IMPG1: variants seen among roughly 807,000 people sequenced by gnomAD.
The protein encoded by IMPG1 is interphotoreceptor matrix proteoglycan of 150 kDa.
Under a neutral mutation model 92.0 loss-of-function variants are expected in IMPG1, and 85 were observed. The ratio of observed to expected loss-of-function variants is 0.92; its 90% confidence interval spans 0.78 to 1.11. IMPG1 has a LOEUF of 1.11. IMPG1 is among the 50% of genes least tolerant of loss of function. The pLI is 0.00. For missense variants in IMPG1, 1,022 were observed against 956.0 expected (o/e 1.07, Z -0.91); for synonymous variants, 367 against 334.1 (o/e 1.10, Z -1.08).
At chr6:75,974,393 T>TTCCTTCC (rs1313714060) in intron 12 of IMPG1, among the ~76,000 whole-genome samples, 8 of 65,032 alleles carry the variant, frequency 1.2e-4, no homozygotes, top group East Asian at 5.9e-4. Context: ...CTTTCTTTCT[T>TTCCTTCC]TTCTTTCTTT....
chr6:76,025,329 A>T, intron 4 of IMPG1, 71 bp from the exon 5 acceptor site: 1 of 817,722 alleles, frequency 1.2e-6, no homozygotes, highest in South Asian at 1.6e-5. Context: ...ACATACATTT[A>T]AATTTCTTAT....
intron 2 of IMPG1, among the ~76,000 whole-genome samples, chr6:76,038,629 G>A (rs895303922): frequency 2.6e-5 from 4 of 152,170 alleles, no homozygotes; most frequent in South Asian, 2.1e-4. Context: ...TTGGATTTTT[G>A]TAAACCTTTG....
At chr6:75,982,279 T>A (rs1562358192) in intron 12 of IMPG1, among the ~76,000 whole-genome samples, 1 of 152,040 alleles carries the variant, frequency 6.6e-6, no homozygotes, top group Non-Finnish European at 1.5e-5. Context: ...ACCATCTGAA[T>A]AAAGAAAATG....
At chr6:75,959,885 G>A (rs1051823485) in intron 12 of IMPG1, among the ~76,000 whole-genome samples, 3 of 152,058 alleles carry the variant, frequency 2.0e-5, no homozygotes, top group Non-Finnish European at 2.9e-5. Context: ...GTTCCCTCTC[G>A]CTGGCGTTCC....
chr6:76,006,455 TGTGTATATACATATGTATATAG>T (rs11272555), intron 9 of IMPG1, among the ~76,000 whole-genome samples: 84,122 of 147,678 alleles, frequency 0.57, 25,103 homozygotes, highest in Non-Finnish European at 0.67. Context: ...TATGGGTATG[TGTGTATATACATATGTATATAG>T]GTGTATATAT....
chr6:75,962,271 C>T (rs1044233564), intron 12 of IMPG1, among the ~76,000 whole-genome samples: 1 of 151,872 alleles, frequency 6.6e-6, no homozygotes, highest in Non-Finnish European at 1.5e-5. Context: ...GTGCATGCAC[C>T]ACCACACCCA....
intron 12 of IMPG1, among the ~76,000 whole-genome samples, chr6:75,967,944 G>A (rs1782336793): frequency 6.6e-6 from 1 of 152,164 alleles, no homozygotes; most frequent in Non-Finnish European, 1.5e-5. Context: ...ATTGCCTGCT[G>A]GTATATTCCA....
chr6:75,999,217 C>T (rs1219636771), intron 12 of IMPG1, among the ~76,000 whole-genome samples: 3 of 152,118 alleles, frequency 2.0e-5, no homozygotes, highest in Admixed American at 6.5e-5. Context: ...GGATCAGCTA[C>T]TACAAAAAAA....
intron 7 of IMPG1, among the ~76,000 whole-genome samples, chr6:76,017,240 C>T (rs1345645189): frequency 1.3e-5 from 2 of 150,432 alleles, no homozygotes; most frequent in Admixed American, 6.6e-5. Flanking sequence ...TATATAGATG[C>T]CACACTCAGC....
chr6:75,990,909 G>A (rs1248468763), intron 12 of IMPG1, among the ~76,000 whole-genome samples: 4 of 152,038 alleles, frequency 2.6e-5, no homozygotes, highest in Non-Finnish European at 5.9e-5. Context: ...TTAGGACTTC[G>A]AAGATGTCAC....
rs749330927 is a variant in IMPG1, at chr6:76,003,838, G to T, written c.1212+36C>A. On this transcript the variant is annotated intron_variant, in intron 11 of 16. Coordinates refer to ENST00000369950, the MANE Select transcript of IMPG1 (RefSeq NM_001563.4). ...CTTTGGTGGAAGGTTTTGAGACTTT[G>T]TTCCTAGTTAAAGAACAAAAGGACA... 7.4e-6 allele frequency: 11 copies of T among 1,493,528 alleles called. No homozygotes were observed. The East Asian group carries it at 9.1e-5, about 12-fold the overall frequency. 92.5% of individuals were successfully genotyped at this position (1,493,528 alleles called of 1,614,324 possible).
At chr6:75,982,570 T>C (rs1782645482) in intron 12 of IMPG1, among the ~76,000 whole-genome samples, 1 of 150,202 alleles carries the variant, frequency 6.7e-6, no homozygotes, top group Non-Finnish European at 1.5e-5. Context: ...TCTATATATC[T>C]ATATAGATAT....
chr6:76,031,352 T>C (rs896865852), intron 4 of IMPG1, among the ~76,000 whole-genome samples: 1 of 152,206 alleles, frequency 6.6e-6, no homozygotes, highest in Admixed American at 6.5e-5. Context: ...TACAGTTATC[T>C]AGAATTAGTC....
chr6:75,974,347 C>CTTTCTT lies in IMPG1; in HGVS notation c.1292-23259_1292-23254dup, dbSNP rs1469416386. On this transcript the variant is annotated intron_variant, in intron 12 of 16. Transcript: ENST00000369950. ...TTTCTTTCCCTTTCTTTCTTTCTTT[C>CTTTCTT]TTTCTTTCTTTCTTTCTTTCTTTCT... 1.0e-4 allele frequency among the ~76,000 whole-genome samples: 10 copies of CTTTCTT among 99,516 alleles called. No homozygotes were observed. The East Asian group carries it at 3.6e-3, about 36-fold the overall frequency. The allele number at this position is 99,516 out of a possible 152,430, so 65.3% of individuals were successfully genotyped here.
chr6:76,010,548 C>G (rs555610815), intron 8 of IMPG1, among the ~76,000 whole-genome samples: 1 of 152,204 alleles, frequency 6.6e-6, no homozygotes, highest in East Asian at 1.9e-4. Context: ...ATCTTATGAT[C>G]TTATTTTTTT....
intron 1 of IMPG1, among the ~76,000 whole-genome samples, chr6:76,057,540 G>A (rs987811543): frequency 2.0e-5 from 3 of 152,126 alleles, no homozygotes; most frequent in African/African-American, 7.2e-5. Context: ...AGCCTAATAT[G>A]CTATTTCATA....
chr6:76,028,595 C>T (rs112159817), intron 4 of IMPG1, among the ~76,000 whole-genome samples: 3,320 of 152,184 alleles, frequency 0.022, 122 homozygotes, highest in African/African-American at 0.075. Flanking sequence ...TTTGGGAGGC[C>T]GAGGCGGGTG....
At chr6:75,983,420 G>A (rs189098989) in intron 12 of IMPG1, among the ~76,000 whole-genome samples, 4 of 152,134 alleles carry the variant, frequency 2.6e-5, no homozygotes, top group Admixed American at 2.6e-4. Flanking sequence ...GAAATAAAAT[G>A]CACACATTTA....
At chr6:76,015,915 A>C (rs1339045759) in intron 7 of IMPG1, among the ~76,000 whole-genome samples, 2 of 151,980 alleles carry the variant, frequency 1.3e-5, no homozygotes, top group Non-Finnish European at 2.9e-5. Flanking sequence ...GAGGCATGAC[A>C]TGGTGGTTAA....
Sources: gnomAD v4.1 joint callset for allele counts (sites outside exome capture counted in the v4.1 genomes callset) on GRCh38, gnomAD v4.1.1 for gene constraint, MANE v1.5 for transcripts, NCBI Gene and HGNC (gene_info 2026-07-23, HGNC 2026-07-21) for gene names.